Variants in CREBL2 observed in about 807,000 individuals in gnomAD.
CREBL2 encodes the protein cAMP responsive element binding protein like 2, also known as cAMP-responsive element-binding protein-like 2.
In CREBL2, 4 loss-of-function variants were observed where a neutral mutation model predicts 19.5. The observed-to-expected ratio is 0.20, with a 90% CI of 0.10 to 0.47. The LOEUF is 0.47. Ranked by LOEUF, CREBL2 falls within the 20% of genes least tolerant of loss-of-function variation. CREBL2 has a pLI of 0.98. For missense variants in CREBL2, 85 were observed against 145.1 expected (o/e 0.59, Z 2.13); for synonymous variants, 42 against 46.6 (o/e 0.90, Z 0.40).
intron 1 of CREBL2, chr12:12,614,970 G>A (rs1945298614): frequency 5.0e-6 from 1 of 198,458 alleles, no homozygotes; most frequent in African/African-American, 2.4e-5. Flanking sequence ...CGATTCTCCA[G>A]CCCCAGTCTC....
rs769020356 is a variant in CREBL2 at position 12,641,982 on chromosome 12, T to C, written c.359-12T>C. 1 of 1,547,202 alleles carries C rather than the reference T, an allele frequency of 6.5e-7. No individual in the cohort carries two copies. Among genetic ancestry groups the C allele is most frequent in the South Asian group, 1.1e-5 (1 of 87,392 alleles). ...TAAAAACATTCTTACATTGGTAACTTTTATTTTTCAGGGTGAAGATTATAT... is the reference window on the plus strand; with the variant it reads ...TAAAAACATTCTTACATTGGTAACTCTTATTTTTCAGGGTGAAGATTATAT... On this transcript the variant is annotated splice_polypyrimidine_tract_variant and intron_variant, in intron 3 of 3. Transcript: ENST00000228865.
At chr12:12,633,389 C>T (rs373680870) in intron 1 of CREBL2, among the ~76,000 whole-genome samples, 6 of 152,152 alleles carry the variant, frequency 3.9e-5, no homozygotes, top group African/African-American at 1.2e-4. Flanking sequence ...GAGCTGAGAT[C>T]GCGCCATTGC....
At chr12:12,626,948 C>A (rs1159677620) in intron 1 of CREBL2, among the ~76,000 whole-genome samples, 1 of 150,644 alleles carries the variant, frequency 6.6e-6, no homozygotes, top group Non-Finnish European at 1.5e-5. Context: ...CATGGAGGAG[C>A]CTTAAATGCA....
intron 1 of CREBL2, among the ~76,000 whole-genome samples, chr12:12,625,094 A>G (rs1795317521): frequency 6.6e-6 from 1 of 151,924 alleles, no homozygotes; most frequent in South Asian, 2.1e-4. Flanking sequence ...GGGGTTTTAT[A>G]GGCACAGGAT....
intron 1 of CREBL2, among the ~76,000 whole-genome samples, chr12:12,622,213 C>T (rs1281249508): frequency 6.6e-6 from 1 of 152,126 alleles, no homozygotes; most frequent in African/African-American, 2.4e-5. Flanking sequence ...AAATCCTGGT[C>T]TTTTTTGAAT....
In CREBL2 at chr12:12,643,748, T is replaced by C. The variant is rs975298479; in HGVS notation, c.*1750T>C. ...CCCAGTTTGCTGGGTCTCTATGTTT[T>C]GGAAGTTGGGGGTTTAATAATATTT... On this transcript the variant is annotated 3_prime_UTR_variant, in exon 4 of 4. Transcript: ENST00000228865. The C allele has an allele frequency of 3.3e-5, 5 of 152,198 alleles. No homozygotes were observed. The highest frequency in any genetic ancestry group is 5.9e-5 in the Non-Finnish European group (4 of 68,020). The allele number at this position is 152,198 out of a possible 1,614,324, so 9.4% of individuals were successfully genotyped here. A position where few individuals can be genotyped will look rare whatever the true frequency, so the allele number is the denominator to read the frequency against.
At position 12,611,878 on chromosome 12, in the gene CREBL2, T is replaced by A; in HGVS notation, c.-295T>A. 2.0e-6 allele frequency: 1 copy of A among 502,678 alleles called. No homozygotes were observed. Among genetic ancestry groups the A allele is most frequent in the Non-Finnish European group, 3.5e-6 (1 of 283,628 alleles). 31.1% of individuals were successfully genotyped at this position (502,678 alleles called of 1,614,324 possible). A position where few individuals can be genotyped will look rare whatever the true frequency, so the allele number is the denominator to read the frequency against. ...TGCAGCGCTCCCGCCCACCCTCCGG[T>A]CTCGGCGGCTCTCCAGAGCGTCTGT... On this transcript the variant is annotated 5_prime_UTR_variant, in exon 1 of 4. Transcript: ENST00000228865.
chr12:12,639,794 C>G (rs1448754932), intron 3 of CREBL2, among the ~76,000 whole-genome samples: 1 of 152,180 alleles, frequency 6.6e-6, no homozygotes, highest in Admixed American at 6.5e-5. Flanking sequence ...GGGGTGACAT[C>G]ACATATCGGT....
At chr12:12,638,602 T>G (rs991435288) in intron 3 of CREBL2, among the ~76,000 whole-genome samples, 11 of 152,026 alleles carry the variant, frequency 7.2e-5, no homozygotes, top group Non-Finnish European at 1.5e-4. Context: ...ATAATACCTT[T>G]TATTTGTATT....
At chr12:12,636,480 C>T (rs1566114292) in intron 2 of CREBL2, among the ~76,000 whole-genome samples, 2 of 151,962 alleles carry the variant, frequency 1.3e-5, no homozygotes, top group East Asian at 3.9e-4. Flanking sequence ...GAGTGCAGGG[C>T]GCGATCTCAG....
chr12:12,633,967 G>A (rs561553416), intron 1 of CREBL2, among the ~76,000 whole-genome samples: 1 of 152,258 alleles, frequency 6.6e-6, no homozygotes, highest in African/African-American at 2.4e-5. Flanking sequence ...GATATAAAAT[G>A]TTTATTCTTC....
chr12:12,638,925 A>G (rs888545), intron 3 of CREBL2, among the ~76,000 whole-genome samples: 152,174 of 152,302 alleles, frequency 1, 76,025 homozygotes, highest in Non-Finnish European at 1. Context: ...ACTTTTAATC[A>G]CCTCAAAAGA....
chr12:12,613,990 CTTTTTTTTTT>C (rs57522744), intron 1 of CREBL2, among the ~76,000 whole-genome samples: 6 of 72,962 alleles, frequency 8.2e-5, no homozygotes, highest in African/African-American at 1.7e-4. Flanking sequence ...TCTTTTTTTT[CTTTTTTTTTT>C]TTTTTTTTTT....
intron 1 of CREBL2, among the ~76,000 whole-genome samples, chr12:12,621,804 T>C (rs75557487): frequency 0.01 from 1,584 of 152,304 alleles, 12 homozygotes; most frequent in Middle Eastern, 0.02. Context: ...GTGGCTCTTA[T>C]GTGTAATGAG....
intron 1 of CREBL2, among the ~76,000 whole-genome samples, chr12:12,628,154 A>G (rs1254700250): frequency 2.6e-5 from 4 of 152,146 alleles, no homozygotes; most frequent in Non-Finnish European, 5.9e-5. Context: ...TGCTGGGATT[A>G]CAGGCTAAGC....
chr12:12,617,151 A>G (rs893172564), intron 1 of CREBL2, among the ~76,000 whole-genome samples: 3 of 152,196 alleles, frequency 2.0e-5, no homozygotes, highest in African/African-American at 7.2e-5. Context: ...CAGTGTGCCT[A>G]ATACAGCATA....
intron 1 of CREBL2, among the ~76,000 whole-genome samples, chr12:12,628,870 A>G (rs1010600381): frequency 6.6e-5 from 10 of 152,246 alleles, no homozygotes; most frequent in African/African-American, 2.4e-4. Flanking sequence ...CCCTTTATTG[A>G]AGAGACTATT....
At chr12:12,636,083 A>G (rs1945472750) in intron 2 of CREBL2, 109 bp downstream of exon 2, 2 of 1,037,640 alleles carry the variant, frequency 1.9e-6, no homozygotes, top group African/African-American at 3.2e-5. Context: ...CAAACATTGG[A>G]GAGAATATTA....
intron 1 of CREBL2, among the ~76,000 whole-genome samples, chr12:12,612,653 G>T (rs1470155223): frequency 6.6e-6 from 1 of 152,006 alleles, no homozygotes; most frequent in Non-Finnish European, 1.5e-5. Flanking sequence ...CCTGTGGTTG[G>T]TTGGAACACC....
Sources: gnomAD v4.1 joint callset for allele counts (sites outside exome capture counted in the v4.1 genomes callset) on GRCh38, gnomAD v4.1.1 for gene constraint, MANE v1.5 for transcripts, NCBI Gene and HGNC (gene_info 2026-07-23, HGNC 2026-07-21) for gene names.